ZNF32: variants seen among roughly 807,000 people sequenced by gnomAD.
ZNF32 encodes zinc finger protein 32, also known as C2H2-546.
Under a neutral mutation model 24.4 loss-of-function variants are expected in ZNF32, and 13 were observed. The observed-to-expected ratio is 0.53, with a 90% CI of 0.35 to 0.85. The LOEUF (loss-of-function observed/expected upper bound fraction) is 0.85. ZNF32 is among the 40% of genes least tolerant of loss of function. ZNF32 has a pLI of 0.01. For missense variants in ZNF32, 239 were observed against 325.3 expected (o/e 0.73, Z 2.04); for synonymous variants, 115 against 117.4 (o/e 0.98, Z 0.13).
At chr10:43,645,840 T>G in intron 2 of ZNF32, 1 of 903,394 alleles carries the variant, frequency 1.1e-6, no homozygotes, top group East Asian at 3.5e-5. Flanking sequence ...TCATTCATTC[T>G]CAGAGACTAC....
At chr10:43,646,323 A>G (rs1839286410) in intron 1 of ZNF32, 121 bp from the exon 2 acceptor site, 1 of 632,614 alleles carries the variant, frequency 1.6e-6, no homozygotes, top group South Asian at 2.0e-5. Context: ...TGTTTGACAT[A>G]ATGTCAGTTA....
Position 43,644,221 on chromosome 10 carries a change from A to G in ZNF32, c.651T>C (p.Tyr217=), listed in dbSNP as rs1374588848. The G allele has an allele frequency of 6.2e-7, 1 of 1,614,130 alleles. No homozygotes were observed. The highest frequency in any genetic ancestry group is 8.5e-7 in the Non-Finnish European group (1 of 1,180,050). The change falls in exon 3 of 3, where the codon TAT becomes TAC. Residue 217 remains tyrosine (Y), a synonymous_variant. Transcript: ENST00000374433. The surrounding 1 kb of genome is among the most constrained non-coding windows in gnomAD (Gnocchi z 5.3). The part of the protein sequence containing the change: ...HIRVHTGLKP[Y]ACTQCRKSFH... ...AACTCTTCCTGCACTGGGTACAGGC[A>G]TAGGGCTTCAGGCCTGTGTGGACTC...
intron 1 of ZNF32, 163 bp from the exon 2 acceptor site, chr10:43,646,365 T>G: frequency 2.0e-6 from 1 of 496,438 alleles, no homozygotes; most frequent in Non-Finnish European, 3.6e-6. Context: ...GGCCCAAAGG[T>G]ACCAGGACCA....
At chr10:43,648,377 C>G (rs1174167252) in intron 1 of ZNF32, among the ~76,000 whole-genome samples, 1 of 152,180 alleles carries the variant, frequency 6.6e-6, no homozygotes, top group Non-Finnish European at 1.5e-5. Flanking sequence ...GCTTCCTACT[C>G]TCCCCCGCAG....
chr10:43,647,544 C>A (rs1467254238), intron 1 of ZNF32: 1 of 152,196 alleles, frequency 6.6e-6, no homozygotes, highest in African/African-American at 2.4e-5. Flanking sequence ...TATGATGCTA[C>A]CATTCTTTGT....
In ZNF32 at chr10:43,644,639, T is replaced by C. The variant is rs770243382; in HGVS notation, c.233A>G (p.Glu78Gly). 6.2e-7 allele frequency: 1 copy of C among 1,614,094 alleles called. No homozygotes were observed. The highest frequency in any genetic ancestry group is 2.2e-5 in the East Asian group (1 of 44,894). ...DSPGVRQRVY[E>G]CQECGKSFRQ... ...GAAGGATTTTCCACACTCCTGGCAC[T>C]CATAGACCCTTTGTCTCACTCCAGG... The change falls in exon 3 of 3, where the codon GAG becomes GGG. Residue 78 changes from glutamate to glycine, a missense_variant. Transcript: ENST00000374433. The surrounding 1 kb of genome is among the most constrained non-coding windows in gnomAD (Gnocchi z 5.3).
chr10:43,644,967 A>G lies in ZNF32; in HGVS notation c.71-166T>C, dbSNP rs1839232394. 1.3e-6 allele frequency: 1 copy of G among 789,434 alleles called. No individual in the cohort carries two copies. 48.9% of individuals were successfully genotyped at this position (789,434 alleles called of 1,614,324 possible). On this transcript the variant is annotated intron_variant, in intron 2 of 2. Transcript: ENST00000374433. The surrounding 1 kb of genome is among the most constrained non-coding windows in gnomAD (Gnocchi z 5.3). Reference sequence around the variant, plus strand: ...CCATGAGAGTGATACAGATAATGGGAGCAAAGGGAGCCTGTCAAAGGTCAC... The same window carrying G: ...CCATGAGAGTGATACAGATAATGGGGGCAAAGGGAGCCTGTCAAAGGTCAC...
Position 43,644,025 on chromosome 10 carries a change from A to G in ZNF32, c.*25T>C. The stretch of plus-strand genomic sequence containing the variant: ...AGGATTTTGTACTCTTAATTCATAA[A>G]GAGAACTTCTCTTCAGGAAAGTGGT... On this transcript the variant is annotated 3_prime_UTR_variant, in exon 3 of 3. Coordinates refer to ENST00000374433, the MANE Select transcript of ZNF32 (RefSeq NM_006973.3). This position sits in a 1 kb window ranked among gnomAD's most constrained non-coding sequence, Gnocchi z 5.3. The G allele has an allele frequency of 1.3e-6, 2 of 1,581,686 alleles. No individual in the cohort carries two copies. The highest frequency in any genetic ancestry group is 2.7e-5 in the African/African-American group (2 of 73,784).
chr10:43,644,526 C>T lies in ZNF32; in HGVS notation c.346G>A (p.Ala116Thr), dbSNP rs899135140. Residue 116 changes from alanine (A) to threonine (T), a missense_variant, in exon 3 of 3, where the codon GCC (alanine) becomes ACC (threonine). By Grantham distance (58) the Ala-to-Thr change is moderately conservative (BLOSUM62 0). Transcript: ENST00000374433. This position sits in a 1 kb window ranked among gnomAD's most constrained non-coding sequence, Gnocchi z 5.3. The stretch of plus-strand genomic sequence containing the variant: ...TGATGTGTAACAAGATTGCCTTTGG[C>T]CCTGAAGCTTTTTCCACAGTGGGTG... The part of the protein sequence containing the change: ...ECTHCGKSFR[A>T]KGNLVTHQRI... 20 of 1,613,946 alleles carry T rather than the reference C, an allele frequency of 1.2e-5. No homozygotes were observed. Among genetic ancestry groups the T allele is most frequent in the African/African-American group, 1.2e-4 (9 of 74,894 alleles).
At chr10:43,645,890 GT>G (rs1564491932) in intron 2 of ZNF32, 173 bp downstream of exon 2, 26 of 1,362,672 alleles carry the variant, frequency 1.9e-5, no homozygotes, top group Non-Finnish European at 2.2e-5. Flanking sequence ...CTCTTGCTCT[GT>G]TTCTACTATT....
At chr10:43,648,055 G>T (rs1423723792) in intron 1 of ZNF32, 4 of 152,234 alleles carry the variant, frequency 2.6e-5, no homozygotes, top group African/African-American at 7.2e-5. Context: ...AAGCTTAGAA[G>T]TAGTCCGTGA....
intron 1 of ZNF32, among the ~76,000 whole-genome samples, chr10:43,648,305 G>A (rs1839389447): frequency 6.6e-6 from 1 of 152,204 alleles, no homozygotes; most frequent in Non-Finnish European, 1.5e-5. Flanking sequence ...TCTGGAAAAT[G>A]TCCTGGGGCC....
At position 43,644,582 on chromosome 10, in the gene ZNF32, C is replaced by T; in HGVS notation, c.290G>A (p.Arg97Lys). Reference sequence around the variant, plus strand: ...AAAAGGCTTTTGACCAGTGTGGATTCTCTCATGTAACGTTAGACTACCTTT... The same window carrying T: ...AAAAGGCTTTTGACCAGTGTGGATTTTCTCATGTAACGTTAGACTACCTTT... Reference protein sequence around the residue: ...RQKGSLTLHERIHTGQKPFEC... With the variant: ...RQKGSLTLHEKIHTGQKPFEC... The change falls in exon 3 of 3, where the codon AGA (arginine) becomes AAA (lysine). Residue 97 changes from arginine to lysine, a missense_variant. By Grantham distance (26) the Arg-to-Lys change is conservative. Coordinates refer to ENST00000374433, the MANE Select transcript of ZNF32 (RefSeq NM_006973.3). This position sits in a 1 kb window ranked among gnomAD's most constrained non-coding sequence, Gnocchi z 5.3. 6.2e-7 allele frequency: 1 copy of T among 1,613,922 alleles called. No homozygotes were observed. Among genetic ancestry groups the T allele is most frequent in the South Asian group, 1.1e-5 (1 of 91,042 alleles).
At chr10:43,645,911 T>A in intron 2 of ZNF32, 153 bp downstream of exon 2, 1 of 1,416,078 alleles carries the variant, frequency 7.1e-7, no homozygotes, top group Non-Finnish European at 9.2e-7. Context: ...TACTTCTAAC[T>A]CCAGCTCACA....
At chr10:43,645,924 CT>C in intron 2 of ZNF32, 139 bp downstream of exon 2, 1 of 1,440,478 alleles carries the variant, frequency 6.9e-7, no homozygotes, top group South Asian at 1.5e-5. Context: ...AGCTCACAGG[CT>C]TTTCTTATAA....
chr10:43,645,095 G>A, intron 2 of ZNF32: 1 of 249,680 alleles, frequency 4.0e-6, no homozygotes, highest in South Asian at 9.5e-5. Context: ...AGATAGACAT[G>A]GTTTTCTCTA....
chr10:43,647,390 TA>T (rs1039398810), intron 1 of ZNF32, among the ~76,000 whole-genome samples: 2 of 152,120 alleles, frequency 1.3e-5, no homozygotes, highest in East Asian at 3.8e-4. Flanking sequence ...ATCTATTTTT[TA>T]AAAAAAATAT....
rs767052448 is a variant in ZNF32 at position 43,644,725 on chromosome 10, A to T, written c.147T>A (p.Ser49=). Residue 49 remains serine (S), a synonymous_variant, in exon 3 of 3, where the codon TCT becomes TCA. Transcript: ENST00000374433. The surrounding 1 kb of genome is among the most constrained non-coding windows in gnomAD (Gnocchi z 5.3). ...TTTGTTCCAGCTTCTCTCTTCTGAAAGAATTTTGGATATCCCAGCTTGAGG... is the reference window on the plus strand; with the variant it reads ...TTTGTTCCAGCTTCTCTCTTCTGAATGAATTTTGGATATCCCAGCTTGAGG... ...TGSSSWDIQN[S]FRREKLEQKS... The T allele has an allele frequency of 1.2e-6, 2 of 1,614,108 alleles. No individual in the cohort carries two copies. The highest frequency in any genetic ancestry group is 1.7e-4 in the Middle Eastern group (1 of 6,042).
In ZNF32 at chr10:43,644,068, T is replaced by C. The variant is rs749057495; in HGVS notation, c.804A>G (p.Ser268=). The C allele has an allele frequency of 6.2e-7, 1 of 1,613,430 alleles. No individual in the cohort carries two copies. Among genetic ancestry groups the C allele is most frequent in the Non-Finnish European group, 8.5e-7 (1 of 1,179,660 alleles). Residue 268 remains serine, a synonymous_variant, in exon 3 of 3, where the codon TCA becomes TCG. Transcript: ENST00000374433. This position sits in a 1 kb window ranked among gnomAD's most constrained non-coding sequence, Gnocchi z 5.3. ...AAAGTGGTCAAAGGGTGAGCCTCTGTGAGCAGCTTCGCTGGTGCACAGCCA... is the reference window on the plus strand; with the variant it reads ...AAAGTGGTCAAAGGGTGAGCCTCTGCGAGCAGCTTCGCTGGTGCACAGCCA... ...GSLAVHQRSC[S]QRLTL
Sources: allele counts gnomAD v4.1 joint callset (sites outside exome capture counted in the v4.1 genomes callset), GRCh38; gene constraint gnomAD v4.1.1; non-coding constraint Gnocchi (gnomAD v3.1); transcripts MANE v1.5; gene names NCBI Gene and HGNC (gene_info 2026-07-23, HGNC 2026-07-21).